Variants in HIVEP1 observed in about 807,000 individuals in gnomAD.
HIVEP1 encodes HIVEP zinc finger 1.
Under a neutral mutation model 180.0 loss-of-function variants are expected in HIVEP1, and 36 were observed. The ratio of observed to expected loss-of-function variants is 0.20; its 90% CI spans 0.15 to 0.26. HIVEP1 has a LOEUF of 0.26. Ranked by LOEUF, HIVEP1 falls within the 10% of genes least tolerant of loss-of-function variation. The pLI is 1.00. For synonymous variants in HIVEP1, 1,239 were observed against 1,239.0 expected, an observed-to-expected ratio of 1.00 and a Z score of 0.00; for missense variants, 3,143 against 3,268.7, an observed-to-expected ratio of 0.96 and a Z score of 0.94.
intron 7 of HIVEP1, among the ~76,000 whole-genome samples, chr6:12,139,455 A>AAATGCAGTT: frequency 6.6e-6 from 1 of 152,256 alleles, no homozygotes. Flanking sequence ...TTTCCAACTG[A>AAATGCAGTT]GGTACCTGGT....
At chr6:12,158,608 C>G (rs997187259) in intron 7 of HIVEP1, among the ~76,000 whole-genome samples, 1 of 152,096 alleles carries the variant, frequency 6.6e-6, no homozygotes, top group African/African-American at 2.4e-5. Flanking sequence ...CGTACCTGCA[C>G]CATTTTCTTA....
chr6:12,065,688 TGTGC>T (rs757366757), intron 2 of HIVEP1, among the ~76,000 whole-genome samples: 3,878 of 70,392 alleles, frequency 0.055, 69 homozygotes, highest in Middle Eastern at 0.12. Context: ...TGTGTGTGTG[TGTGC>T]GTGTGTGTGT....
intron 2 of HIVEP1, among the ~76,000 whole-genome samples, chr6:12,023,769 G>A (rs1232558868): frequency 3.0e-4 from 46 of 152,192 alleles, no homozygotes. Context: ...ACAAAATGTA[G>A]TAATATGATT....
intron 8 of HIVEP1, 23 bp from the exon 9 acceptor site, chr6:12,163,260 G>C (rs771827301): frequency 2.0e-4 from 321 of 1,566,402 alleles, no homozygotes; most frequent in Non-Finnish European, 2.8e-4. Context: ...GTCATAAAAG[G>C]ATTGCTCTCT....
chr6:12,184,006 TAGATAGATAGATAGATAGACAGACAGAC>T, the HIVEP1 span, among the ~76,000 whole-genome samples: 1 of 143,236 alleles, frequency 7.0e-6, no homozygotes, highest in Non-Finnish European at 1.5e-5. Context: ...GATAGATAGA[TAGATAGATAGATAGATAGACAGACAGAC>T]AGACAGACAG....
chr6:12,045,477 A>G (rs1250074631), intron 2 of HIVEP1, among the ~76,000 whole-genome samples: 1 of 152,230 alleles, frequency 6.6e-6, no homozygotes, highest in Non-Finnish European at 1.5e-5. Context: ...GTTAGGGTAG[A>G]AAGGAGGCCC....
chr6:12,086,547 C>T (rs1053814962), intron 2 of HIVEP1, among the ~76,000 whole-genome samples: 1 of 151,868 alleles, frequency 6.6e-6, no homozygotes, highest in Non-Finnish European at 1.5e-5. Context: ...CCCTTTGCTC[C>T]CCCTCCCCTA....
At chr6:12,202,313 T>TC in the HIVEP1 span, among the ~76,000 whole-genome samples, 1 of 151,678 alleles carries the variant, frequency 6.6e-6, no homozygotes, top group East Asian at 1.9e-4. Context: ...ATTTTTTTTT[T>TC]CTTTTGGTAG....
intron 3 of HIVEP1, among the ~76,000 whole-genome samples, chr6:12,112,567 C>T (rs1426073094): frequency 2.6e-5 from 4 of 152,076 alleles, no homozygotes; most frequent in Non-Finnish European, 4.4e-5. Context: ...CCTTTTCCTG[C>T]CGGTTCCTTG....
intron 7 of HIVEP1, among the ~76,000 whole-genome samples, chr6:12,160,246 C>G (rs150824046): frequency 6.6e-6 from 1 of 152,186 alleles, no homozygotes; most frequent in African/African-American, 2.4e-5. Context: ...ATTTTTGAAA[C>G]TATTTCCTGG....
At chr6:12,054,478 C>T (rs973196546) in intron 2 of HIVEP1, among the ~76,000 whole-genome samples, 9 of 147,320 alleles carry the variant, frequency 6.1e-5, no homozygotes, top group Non-Finnish European at 1.5e-5. Context: ...TGCACATTTA[C>T]ACACATATAC....
chr6:12,053,499 A>G (rs1285734991), intron 2 of HIVEP1, among the ~76,000 whole-genome samples: 2 of 152,192 alleles, frequency 1.3e-5, no homozygotes, highest in Non-Finnish European at 2.9e-5. Flanking sequence ...ATATGACAAA[A>G]AAAACATAAA....
At chr6:12,195,368 A>G in the HIVEP1 span, among the ~76,000 whole-genome samples, 1 of 152,250 alleles carries the variant, frequency 6.6e-6, no homozygotes, top group Non-Finnish European at 1.5e-5. Flanking sequence ...AGATTAAAAC[A>G]GGGAAATGTT....
rs571953415 is a variant in HIVEP1 at position 12,110,744 on chromosome 6, T to G, written c.95-9146T>G. On this transcript the variant is annotated intron_variant, in intron 3 of 8. Transcript: ENST00000379388. ...TTTGTCGTTCAGGTGTTTCCTGGAG[T>G]AGCACTTTTAATTTCCTTCAATAAC... Among the ~76,000 whole-genome samples, 5 of 152,308 alleles carry G rather than the reference T, an allele frequency of 3.3e-5. No homozygotes were observed. In the East Asian group the frequency reaches 9.7e-4, roughly 29 times the overall value.
intron 7 of HIVEP1, among the ~76,000 whole-genome samples, chr6:12,140,483 T>C (rs375286813): frequency 3.3e-5 from 5 of 152,314 alleles, no homozygotes; most frequent in African/African-American, 1.2e-4. Flanking sequence ...TCGCAGCTCC[T>C]CGCCAGCAAT....
chr6:12,017,444 A>G (rs1767870403), intron 2 of HIVEP1, among the ~76,000 whole-genome samples: 1 of 152,256 alleles, frequency 6.6e-6, no homozygotes, highest in Non-Finnish European at 1.5e-5. Flanking sequence ...TCATAAAGGC[A>G]GTACAGACTC....
intron 3 of HIVEP1, among the ~76,000 whole-genome samples, chr6:12,100,219 C>G (rs909218516): frequency 3.9e-5 from 6 of 152,106 alleles, no homozygotes; most frequent in Admixed American, 1.3e-4. Context: ...TGGATTTAAC[C>G]TTTTCTTGCT....
At chr6:12,144,002 C>T (rs536029956) in intron 7 of HIVEP1, among the ~76,000 whole-genome samples, 1 of 152,304 alleles carries the variant, frequency 6.6e-6, no homozygotes, top group Admixed American at 6.5e-5. Context: ...CTACCAATGA[C>T]TTTCTTCACG....
In HIVEP1 at chr6:12,124,611, A is replaced by G. The variant is rs766200309; in HGVS notation, c.4816A>G (p.Ile1606Val). Residue 1606 changes from isoleucine (I) to valine (V), a missense_variant, in exon 4 of 9, where the codon ATT becomes GTT. By Grantham distance (29) the Ile-to-Val change is conservative (BLOSUM62 3). Transcript: ENST00000379388. ...VTSATLPTKL[I>V]DSMSNSHPLL... is the part of the protein sequence containing the mutation. ...ATCAGCAACATTACCAACCAAATTA[A>G]TTGACAGCATGTCTAATTCGCATCC... The G allele has an allele frequency of 2.5e-6, 4 of 1,614,120 alleles. No individual in the cohort carries two copies. The highest frequency in any genetic ancestry group is 8.5e-7 in the Non-Finnish European group (1 of 1,180,006).
Sources: gnomAD v4.1 joint callset for allele counts (sites outside exome capture counted in the v4.1 genomes callset) on GRCh38, gnomAD v4.1.1 for gene constraint, MANE v1.5 for transcripts, NCBI Gene and HGNC (gene_info 2026-07-23, HGNC 2026-07-21) for gene names.